The following ATP9B variants were observed in gnomAD, a reference collection of about 807,000 sequenced individuals.
ATP9B encodes the protein probable phospholipid-transporting ATPase IIB.
In ATP9B, 110 loss-of-function variants were observed where a neutral mutation model predicts 146.1. The ratio of observed to expected loss-of-function variants is 0.75; its 90% CI spans 0.65 to 0.88. The LOEUF (loss-of-function observed/expected upper bound fraction) is 0.88. Ranked by LOEUF, ATP9B falls within the 40% of genes least tolerant of loss-of-function variation. The pLI is 0.00. For synonymous variants in ATP9B, 604 were observed against 569.7 expected (o/e 1.06, Z -0.86); for missense variants, 1,499 against 1,496.4 (o/e 1.00, Z -0.03).
chr18:79,334,454 G>A (rs922938078), intron 17 of ATP9B, among the ~76,000 whole-genome samples: 1 of 151,928 alleles, frequency 6.6e-6, no homozygotes, highest in Non-Finnish European at 1.5e-5. Flanking sequence ...ACTTTTTATA[G>A]AACACACCAC....
In ATP9B at chr18:79,118,384, G is replaced by GT. The variant is rs1304879263; in HGVS notation, c.558+5035dup. Among the ~76,000 whole-genome samples, 595 of 73,330 alleles carry GT rather than the reference G, an allele frequency of 8.1e-3. 38 individuals carry two copies. The highest frequency in any genetic ancestry group is 0.015 in the African/African-American group (283 of 18,656). 48.1% of individuals were successfully genotyped at this position (73,330 alleles called of 152,430 possible). A position where few individuals can be genotyped will look rare whatever the true frequency, so the allele number is the denominator to read the frequency against. ...ATTTTAAAACACAATCATATTGAAC[G>GT]TTTTTGTTTTTTTTTTTTTTTTTTT... On this transcript the variant is annotated intron_variant, in intron 4 of 29. Transcript: ENST00000426216.
At position 79,327,802 on chromosome 18, in the gene ATP9B, G is replaced by A. The variant is rs1161449727; in HGVS notation, c.1774-1339G>A. On this transcript the variant is annotated intron_variant, in intron 15 of 29. Coordinates refer to ENST00000426216, the MANE Select transcript of ATP9B (RefSeq NM_198531.5). ...GCTCTCCGTGGTTAGCGTGCTCTCC[G>A]TGGTTAGCGTGTTCTCCGTGGTTAG... Among the ~76,000 whole-genome samples the A allele has an allele frequency of 1.0e-4, 13 of 124,956 alleles. 2 individuals are homozygous for A. Among genetic ancestry groups the A allele is most frequent in the African/African-American group, 2.2e-4 (7 of 32,232 alleles). The allele number at this position is 124,956 out of a possible 152,430, so 82.0% of individuals were successfully genotyped here. A position where few individuals can be genotyped will look rare whatever the true frequency, so the allele number is the denominator to read the frequency against.
intron 15 of ATP9B, among the ~76,000 whole-genome samples, chr18:79,320,947 AGT>A (rs1419942452): frequency 6.6e-6 from 1 of 152,212 alleles, no homozygotes; most frequent in Non-Finnish European, 1.5e-5. Context: ...ACTTTAGGAA[AGT>A]GTGTATATTT....
At chr18:79,138,716 G>A (rs1350067588) in intron 5 of ATP9B, among the ~76,000 whole-genome samples, 1 of 151,230 alleles carries the variant, frequency 6.6e-6, no homozygotes, top group Non-Finnish European at 1.5e-5. Context: ...ATATTAAGAT[G>A]TAATGATTAA....
chr18:79,079,698 G>A (rs2073035833), intron 1 of ATP9B, among the ~76,000 whole-genome samples: 2 of 152,172 alleles, frequency 1.3e-5, no homozygotes, highest in African/African-American at 2.4e-5. Flanking sequence ...GGCTTTTGGT[G>A]TTTTAATCAT....
Position 79,307,190 on chromosome 18 carries a change from T to A in ATP9B, c.1729T>A (p.Phe577Ile). 6.2e-7 allele frequency: 1 copy of A among 1,614,248 alleles called. No homozygotes were observed. Among genetic ancestry groups the A allele is most frequent in the Non-Finnish European group, 8.5e-7 (1 of 1,180,048 alleles). The change falls in exon 15 of 30, where the codon TTC becomes ATC. Residue 577 changes from phenylalanine to isoleucine, a missense_variant. Coordinates refer to ENST00000426216, the MANE Select transcript of ATP9B (RefSeq NM_198531.5). ...ETEFAEADQDFSDENRTYQAS... is the reference protein window; with the variant it reads ...ETEFAEADQDISDENRTYQAS... ...TGAGTTCGCAGAGGCTGACCAAGAC[T>A]TCAGTGATGAGAATCGCACCTACCA...
intron 15 of ATP9B, among the ~76,000 whole-genome samples, chr18:79,319,705 T>A (rs1324248741): frequency 6.6e-6 from 1 of 152,204 alleles, no homozygotes; most frequent in South Asian, 2.1e-4. Flanking sequence ...TCCATTTCAT[T>A]TATTGCCAGA....
At chr18:79,101,046 C>G (rs543041992) in intron 2 of ATP9B, among the ~76,000 whole-genome samples, 29 of 151,954 alleles carry the variant, frequency 1.9e-4, no homozygotes, top group African/African-American at 6.3e-4. Context: ...CCCAGTTTAC[C>G]CCAGTTGTTA....
chr18:79,214,059 A>G lies in ATP9B; in HGVS notation c.1107+21A>G, dbSNP rs750662395. 1.5e-5 allele frequency: 23 copies of G among 1,548,492 alleles called. 1 individual carries two copies. The highest frequency in any genetic ancestry group is 8.3e-5 in the African/African-American group (6 of 71,882). On this transcript the variant is annotated intron_variant, in intron 11 of 29. Coordinates refer to ENST00000426216, the MANE Select transcript of ATP9B (RefSeq NM_198531.5). Reference sequence around the variant, plus strand: ...ATAAGGTAGGCTAGATTGAGGAGCAACTGCTTTAATGAACTTATTTTTCCT... The same window carrying G: ...ATAAGGTAGGCTAGATTGAGGAGCAGCTGCTTTAATGAACTTATTTTTCCT...
intron 11 of ATP9B, among the ~76,000 whole-genome samples, chr18:79,219,912 A>G (rs1055210422): frequency 5.3e-5 from 8 of 152,220 alleles, no homozygotes; most frequent in Non-Finnish European, 1.0e-4. Context: ...ACGAGAGCCT[A>G]ACAATTTAGG....
chr18:79,089,961 C>T (rs1002171188), intron 1 of ATP9B, among the ~76,000 whole-genome samples: 2 of 152,186 alleles, frequency 1.3e-5, no homozygotes, highest in Non-Finnish European at 2.9e-5. Context: ...CATCATTCTA[C>T]TCTCTGTCTC....
chr18:79,373,948 C>A lies in ATP9B; in HGVS notation c.3121C>A (p.His1041Asn), dbSNP rs767330843. The A allele has an allele frequency of 5.0e-6, 8 of 1,613,656 alleles. No homozygotes were observed. Among genetic ancestry groups the A allele is most frequent in the Non-Finnish European group, 6.8e-6 (8 of 1,180,040 alleles). ...GGTGCTCTTCGAGTCTGAGTTCGTC[C>A]ACGTGGTGGCCATCTCCTTCACCGC... ...ALVLFESEFV[H>N]VVAISFTALI... The change falls in exon 28 of 30, where the codon CAC (histidine) becomes AAC (asparagine). Residue 1041 changes from histidine to asparagine, a missense_variant. Coordinates refer to ENST00000426216, the MANE Select transcript of ATP9B (RefSeq NM_198531.5).
At chr18:79,325,679 C>A (rs1012284527) in intron 15 of ATP9B, among the ~76,000 whole-genome samples, 2 of 152,082 alleles carry the variant, frequency 1.3e-5, no homozygotes, top group African/African-American at 4.8e-5. Context: ...GGCAGTGGCA[C>A]CTGGGCAGCC....
Position 79,292,455 on chromosome 18 carries a change from G to T in ATP9B, c.1412-11149G>T, listed in dbSNP as rs149227154. On this transcript the variant is annotated intron_variant, in intron 13 of 29. Coordinates refer to ENST00000426216, the MANE Select transcript of ATP9B (RefSeq NM_198531.5). ...TTAAGAAAACAATTGTATTTACAGT[G>T]CATCAAAAAATATTTCATTGTGTTA... 7.9e-5 allele frequency among the ~76,000 whole-genome samples: 12 copies of T among 152,246 alleles called. No individual in the cohort carries two copies. In the East Asian group the frequency reaches 2.3e-3, roughly 29 times the overall value.
At chr18:79,326,990 A>G (rs1321361192) in intron 15 of ATP9B, among the ~76,000 whole-genome samples, 1 of 152,184 alleles carries the variant, frequency 6.6e-6, no homozygotes, top group African/African-American at 2.4e-5. Flanking sequence ...GGGGTTGCAG[A>G]GGTGCAGCCA....
At chr18:79,158,193 A>G (rs2096074545) in intron 7 of ATP9B, among the ~76,000 whole-genome samples, 1 of 152,162 alleles carries the variant, frequency 6.6e-6, no homozygotes, top group African/African-American at 2.4e-5. Flanking sequence ...GTTTGGCCAT[A>G]CATCTCAAAA....
intron 4 of ATP9B, among the ~76,000 whole-genome samples, chr18:79,122,260 ACTT>A (rs2094202380): frequency 6.6e-6 from 1 of 152,172 alleles, no homozygotes. Flanking sequence ...CACAAACAGA[ACTT>A]TTTTTAAGAA....
At chr18:79,156,734 A>G (rs1284863314) in intron 7 of ATP9B, among the ~76,000 whole-genome samples, 1 of 152,136 alleles carries the variant, frequency 6.6e-6, no homozygotes, top group African/African-American at 2.4e-5. Context: ...TCATTTGCCA[A>G]TATTGGAGTA....
At chr18:79,294,795 G>T (rs905523231) in intron 13 of ATP9B, among the ~76,000 whole-genome samples, 1 of 152,166 alleles carries the variant, frequency 6.6e-6, no homozygotes, top group Non-Finnish European at 1.5e-5. Context: ...ATATGGCTCA[G>T]ATTAGTTTCA....
Sources: allele counts gnomAD v4.1 joint callset (sites outside exome capture counted in the v4.1 genomes callset), GRCh38; gene constraint gnomAD v4.1.1; transcripts MANE v1.5; gene names NCBI Gene and HGNC (gene_info 2026-07-23, HGNC 2026-07-21).